PDE4D: variants seen among roughly 807,000 people sequenced by gnomAD.
The protein encoded by PDE4D is 3',5'-cyclic-AMP phosphodiesterase 4D.
In PDE4D, 24 loss-of-function variants were observed where a neutral mutation model predicts 87.4. The observed-to-expected ratio is 0.27, with a 90% CI of 0.20 to 0.39. PDE4D has a LOEUF of 0.39. Among genes scored for constraint, PDE4D ranks in the 10% least tolerant of loss-of-function variants. The pLI is 1.00. For missense variants in PDE4D, 714 were observed against 1,041.0 expected (o/e 0.69, Z 4.32); for synonymous variants, 384 against 383.2 (o/e 1.00, Z -0.02).
At chr5:59,073,648 G>A (rs1437981220) in intron 5 of PDE4D, among the ~76,000 whole-genome samples, 1 of 152,106 alleles carries the variant, frequency 6.6e-6, no homozygotes, top group Non-Finnish European at 1.5e-5. Flanking sequence ...GTGTCAGGCG[G>A]TTGGTGCTTC....
intron 1 of PDE4D, among the ~76,000 whole-genome samples, chr5:59,630,047 T>G (rs185894790): frequency 6.6e-6 from 1 of 152,358 alleles, no homozygotes; most frequent in East Asian, 1.9e-4. Context: ...TAAAATAAAA[T>G]TTTAAAGTCT....
At chr5:60,325,263 A>T (rs4643905) in intron 1 of PDE4D, among the ~76,000 whole-genome samples, 3 of 152,142 alleles carry the variant, frequency 2.0e-5, no homozygotes, top group Admixed American at 6.5e-5. Context: ...ACAGAAGAAA[A>T]GCAATTATAG....
chr5:59,063,739 G>A, intron 5 of PDE4D, among the ~76,000 whole-genome samples: 1 of 152,122 alleles, frequency 6.6e-6, no homozygotes, highest in East Asian at 1.9e-4. Flanking sequence ...TCAGCCTTCT[G>A]AGCAAGCCAA....
chr5:59,651,057 C>G (rs1012524365), intron 1 of PDE4D, among the ~76,000 whole-genome samples: 1 of 151,886 alleles, frequency 6.6e-6, no homozygotes, highest in Admixed American at 6.6e-5. Context: ...AGATCGAGAC[C>G]ATCCTGGCCA....
intron 1 of PDE4D, among the ~76,000 whole-genome samples, chr5:60,245,961 G>A (rs1195593334): frequency 6.6e-6 from 1 of 151,776 alleles, no homozygotes; most frequent in Admixed American, 6.6e-5. Flanking sequence ...AAAAATAAAT[G>A]CTTGAGGTGA....
chr5:60,255,683 C>T (rs1407571405), intron 1 of PDE4D, among the ~76,000 whole-genome samples: 2 of 151,704 alleles, frequency 1.3e-5, no homozygotes, highest in African/African-American at 4.8e-5. Flanking sequence ...ATCATTATCA[C>T]CAACTACTCA....
At chr5:59,547,297 T>A (rs1441568919) in intron 1 of PDE4D, among the ~76,000 whole-genome samples, 2 of 152,122 alleles carry the variant, frequency 1.3e-5, no homozygotes, top group Non-Finnish European at 2.9e-5. Context: ...CTATCAGTTT[T>A]TTATAGGAAA....
chr5:59,283,318 T>C (rs1037130892), intron 1 of PDE4D, among the ~76,000 whole-genome samples: 2 of 152,216 alleles, frequency 1.3e-5, no homozygotes. Context: ...CTTTGGATCC[T>C]GTCCCCTTGA....
intron 5 of PDE4D, among the ~76,000 whole-genome samples, chr5:59,131,639 C>CACACACAT (rs1776298320): frequency 9.3e-6 from 1 of 107,014 alleles, no homozygotes; most frequent in Non-Finnish European, 2.1e-5. Context: ...CACACACACA[C>CACACACAT]ACACACATTA....
intron 1 of PDE4D, among the ~76,000 whole-genome samples, chr5:60,393,893 AC>A (rs1378523933): frequency 6.6e-6 from 1 of 152,226 alleles, no homozygotes; most frequent in Non-Finnish European, 1.5e-5. Context: ...CTCTTAGGGT[AC>A]TAATCTATGT....
intron 3 of PDE4D, among the ~76,000 whole-genome samples, chr5:59,984,768 G>A (rs1762249895): frequency 6.6e-6 from 1 of 152,030 alleles, no homozygotes; most frequent in Non-Finnish European, 1.5e-5. Context: ...CTAAAGGGGT[G>A]GTACAAGTCT....
At chr5:59,171,302 C>T (rs552857734) in intron 5 of PDE4D, among the ~76,000 whole-genome samples, 1 of 152,330 alleles carries the variant, frequency 6.6e-6, no homozygotes, top group South Asian at 2.1e-4. Flanking sequence ...CCCACTTCCA[C>T]CCCAGTTCAG....
At chr5:60,297,364 A>C (rs1316538802) in intron 1 of PDE4D, among the ~76,000 whole-genome samples, 1 of 152,200 alleles carries the variant, frequency 6.6e-6, no homozygotes, top group Non-Finnish European at 1.5e-5. Flanking sequence ...AATATGGAGA[A>C]ATATTAATCA....
At chr5:59,400,552 G>GA (rs1790395731) in intron 1 of PDE4D, among the ~76,000 whole-genome samples, 1 of 134,024 alleles carries the variant, frequency 7.5e-6, no homozygotes, top group Non-Finnish European at 1.6e-5. Context: ...ATGGACACAG[G>GA]AAGGGGAACA....
intron 6 of PDE4D, among the ~76,000 whole-genome samples, chr5:59,011,283 G>A (rs182974865): frequency 0.018 from 2,684 of 152,286 alleles, 33 homozygotes; most frequent in Non-Finnish European, 0.028. Context: ...GAACAAAGCT[G>A]GACAGAGAAT....
At chr5:59,793,613 A>G (rs1479921221) in intron 1 of PDE4D, among the ~76,000 whole-genome samples, 1 of 152,258 alleles carries the variant, frequency 6.6e-6, no homozygotes, top group East Asian at 1.9e-4. Context: ...AGATTCATTC[A>G]TAATGGTTCA....
At chr5:59,689,155 G>T (rs1750451458) in intron 1 of PDE4D, among the ~76,000 whole-genome samples, 1 of 152,146 alleles carries the variant, frequency 6.6e-6, no homozygotes, top group Admixed American at 6.6e-5. Context: ...AAAGGAGCTG[G>T]TAACATTCCT....
intron 5 of PDE4D, among the ~76,000 whole-genome samples, chr5:59,074,828 G>A (rs1323105761): frequency 6.6e-6 from 1 of 152,082 alleles, no homozygotes; most frequent in Non-Finnish European, 1.5e-5. Context: ...TGGAGAAATT[G>A]GAAGTCCTCA....
At chr5:58,992,253 T>G (rs546195808) in intron 7 of PDE4D, among the ~76,000 whole-genome samples, 1 of 152,308 alleles carries the variant, frequency 6.6e-6, no homozygotes, top group South Asian at 2.1e-4. Flanking sequence ...GTTACCTCTT[T>G]GATACAATGT....
Sources: allele counts gnomAD v4.1 joint callset (sites outside exome capture counted in the v4.1 genomes callset), GRCh38; gene constraint gnomAD v4.1.1; transcripts MANE v1.5; gene names NCBI Gene and HGNC (gene_info 2026-07-23, HGNC 2026-07-21).